The following RIN3 variants were observed in gnomAD, a reference collection of about 807,000 sequenced individuals.
RIN3 encodes RAB5 interacting protein 3.
A neutral mutation model predicts 76.3 loss-of-function variants in RIN3; 54 were observed. That is an observed-to-expected ratio of 0.71 (90% CI 0.57 to 0.89). The LOEUF (loss-of-function observed/expected upper bound fraction) is 0.89. Among genes scored for constraint, RIN3 ranks in the 40% least tolerant of loss-of-function variants. The pLI is 0.00. For synonymous variants in RIN3, 576 were observed against 564.0 expected (o/e 1.02, Z -0.30); for missense variants, 1,256 against 1,322.1 (o/e 0.95, Z 0.78).
In RIN3 at chr14:92,636,958, T is replaced by C. The variant is rs187460976; in HGVS notation, c.441-4280T>C. 1.4e-3 allele frequency among the ~76,000 whole-genome samples: 219 copies of C among 152,198 alleles called. 2 individuals carry two copies. The highest frequency in any genetic ancestry group is 2.3e-3 in the Non-Finnish European group (156 of 68,010). On this transcript the variant is annotated intron_variant, in intron 4 of 9. Transcript: ENST00000216487. ...GTGCGTGTGTGCTTGGGCACGCGTA[T>C]GTGTACATTAAAGAAGGGCCAGCAA...
chr14:92,517,049 G>A (rs1049465414), intron 1 of RIN3, among the ~76,000 whole-genome samples: 6 of 152,186 alleles, frequency 3.9e-5, no homozygotes, highest in African/African-American at 1.2e-4. Context: ...GAGCAGAGAC[G>A]GAAAGAATGG....
intron 4 of RIN3, among the ~76,000 whole-genome samples, chr14:92,632,338 C>G (rs1207378983): frequency 6.6e-6 from 1 of 152,102 alleles, no homozygotes; most frequent in African/African-American, 2.4e-5. Context: ...GTGGAGTGAG[C>G]CTTTGGGCTG....
At chr14:92,616,975 T>A (rs1046356882) in intron 4 of RIN3, among the ~76,000 whole-genome samples, 8 of 152,116 alleles carry the variant, frequency 5.3e-5, no homozygotes, top group African/African-American at 1.9e-4. Context: ...ATGAGCTTAG[T>A]CCAAAACAAC....
intron 1 of RIN3, among the ~76,000 whole-genome samples, chr14:92,526,781 A>G (rs921261039): frequency 6.6e-6 from 1 of 152,194 alleles, no homozygotes; most frequent in Admixed American, 6.5e-5. Context: ...GCTGTGTCTC[A>G]GTGTCCTGGG....
At chr14:92,592,226 AC>A (rs1439799409) in intron 3 of RIN3, among the ~76,000 whole-genome samples, 1 of 152,018 alleles carries the variant, frequency 6.6e-6, no homozygotes, top group African/African-American at 2.4e-5. Flanking sequence ...ACATGGTGAA[AC>A]CACGTTTCTA....
Position 92,574,059 on chromosome 14 carries a change from G to A in RIN3, c.250-3301G>A, listed in dbSNP as rs531438834. 5.3e-5 allele frequency among the ~76,000 whole-genome samples: 8 copies of A among 152,290 alleles called. No individual in the cohort carries two copies. In the East Asian group the frequency reaches 9.7e-4, roughly 18 times the overall value. On this transcript the variant is annotated intron_variant, in intron 2 of 9. Coordinates refer to ENST00000216487, the MANE Select transcript of RIN3 (RefSeq NM_024832.5). ...CCCACCCCTGCCATGAAGCAGTGTC[G>A]TTTGGGGTAATACCTGAGGTTTGTT...
At chr14:92,635,476 A>C (rs1424680102) in intron 4 of RIN3, among the ~76,000 whole-genome samples, 1 of 152,218 alleles carries the variant, frequency 6.6e-6, no homozygotes, top group African/African-American at 2.4e-5. Flanking sequence ...AAAGGGGATC[A>C]GTTTGGTAAA....
intron 4 of RIN3, among the ~76,000 whole-genome samples, chr14:92,628,019 A>T (rs1184327603): frequency 6.6e-6 from 1 of 152,166 alleles, no homozygotes; most frequent in East Asian, 1.9e-4. Flanking sequence ...CTGGGGTCGG[A>T]CCACACAATC....
intron 5 of RIN3, among the ~76,000 whole-genome samples, chr14:92,650,711 G>A (rs1887383334): frequency 6.6e-6 from 1 of 152,262 alleles, no homozygotes; most frequent in East Asian, 1.9e-4. Flanking sequence ...GCATCCCTGT[G>A]TGCTCTTTGG....
intron 4 of RIN3, among the ~76,000 whole-genome samples, chr14:92,631,377 C>G (rs926670257): frequency 2.0e-5 from 3 of 152,214 alleles, no homozygotes; most frequent in African/African-American, 7.2e-5. Context: ...TGTGCTCTGT[C>G]TGCAGCCTCT....
chr14:92,528,389 T>A (rs1292895664), intron 1 of RIN3, among the ~76,000 whole-genome samples: 1 of 152,230 alleles, frequency 6.6e-6, no homozygotes, highest in Admixed American at 6.5e-5. Flanking sequence ...ACTCTCTGCC[T>A]CAGTTTCCTT....
chr14:92,539,499 T>C (rs1286333167), intron 1 of RIN3, among the ~76,000 whole-genome samples: 3 of 152,148 alleles, frequency 2.0e-5, no homozygotes, highest in African/African-American at 7.2e-5. Flanking sequence ...GGCTGCCTGG[T>C]TCTCAAGCCC....
intron 2 of RIN3, among the ~76,000 whole-genome samples, chr14:92,560,200 A>G (rs74559775): frequency 0.021 from 3,153 of 152,142 alleles, 121 homozygotes; most frequent in African/African-American, 0.072. Flanking sequence ...GGCCCAGAGA[A>G]CTCTGCTACA....
At chr14:92,523,187 T>G (rs1260067956) in intron 1 of RIN3, among the ~76,000 whole-genome samples, 1 of 152,242 alleles carries the variant, frequency 6.6e-6, no homozygotes, top group African/African-American at 2.4e-5. Context: ...CTTGGCTCAC[T>G]GCAACCTCTG....
rs368017335 is a variant in RIN3, at chr14:92,688,012, C to T, written c.2718C>T (p.Cys906=). 1.1e-5 allele frequency: 17 copies of T among 1,579,076 alleles called. No individual in the cohort carries two copies. Among genetic ancestry groups the T allele is most frequent in the Non-Finnish European group, 1.4e-5 (16 of 1,164,052 alleles). Residue 906 remains cysteine, a synonymous_variant, in exon 10 of 10, where the codon TGC becomes TGT. Coordinates refer to ENST00000216487, the MANE Select transcript of RIN3 (RefSeq NM_024832.5). ...CGGACACCCAGGCCCAGGCGCTGTG[C>T]GCGCAGTGCGCGGAGAAGTTCGCGG... ...SRADTQAQAL[C]AQCAEKFAVE...
chr14:92,678,202 CCACCCACCCATT>C (rs1247348605), intron 8 of RIN3, among the ~76,000 whole-genome samples: 1 of 150,822 alleles, frequency 6.6e-6, no homozygotes, highest in Non-Finnish European at 1.5e-5. Context: ...ATCCATCCAT[CCACCCACCCATT>C]CACCCACCCA....
chr14:92,619,560 C>G lies in RIN3; in HGVS notation c.440+4081C>G, dbSNP rs1886098901. 4.0e-5 allele frequency among the ~76,000 whole-genome samples: 6 copies of G among 151,668 alleles called. No homozygotes were observed. The South Asian group carries it at 1.0e-3, about 26-fold the overall frequency. Reference sequence around the variant, plus strand: ...GTTCACACCATTCTCCTGCCTCAGCCTCCCGAGCAGCTGGGACTACAAGCG... The same window carrying G: ...GTTCACACCATTCTCCTGCCTCAGCGTCCCGAGCAGCTGGGACTACAAGCG... On this transcript the variant is annotated intron_variant, in intron 4 of 9. Transcript: ENST00000216487.
chr14:92,557,014 A>G (rs1411806133), intron 2 of RIN3, among the ~76,000 whole-genome samples: 1 of 152,132 alleles, frequency 6.6e-6, no homozygotes, highest in Non-Finnish European at 1.5e-5. Context: ...ACAAAGCCCT[A>G]CACTCCCTCC....
chr14:92,640,662 A>G lies in RIN3; in HGVS notation c.441-576A>G, dbSNP rs34104473. On this transcript the variant is annotated intron_variant, in intron 4 of 9. Transcript: ENST00000216487. ...CTGGGAGATGCCTGACTGTGTGTTC[A>G]TCGGGGGCTGCCTGACTGTGCGTTT... Among the ~76,000 whole-genome samples, 4 of 4,060 alleles carry G rather than the reference A, an allele frequency of 9.9e-4. 1 individual carries two copies. The highest frequency in any genetic ancestry group is 2.1e-3 in the African/African-American group (1 of 468). 2.7% of individuals were successfully genotyped at this position (4,060 alleles called of 152,430 possible).
Sources: allele counts gnomAD v4.1 joint callset (sites outside exome capture counted in the v4.1 genomes callset), GRCh38; gene constraint gnomAD v4.1.1; transcripts MANE v1.5; gene names NCBI Gene and HGNC (gene_info 2026-07-23, HGNC 2026-07-21).